PRKN: variants seen among roughly 807,000 people sequenced by gnomAD.
The protein encoded by PRKN is parkin RBR E3 ubiquitin protein ligase, also known as E3 ubiquitin-protein ligase parkin.
A neutral mutation model predicts 59.5 loss-of-function variants in PRKN; 56 were observed. The ratio of observed to expected loss-of-function variants is 0.94; its 90% confidence interval spans 0.76 to 1.18. The LOEUF is 1.18. Ranked by LOEUF, PRKN falls within the 50% of genes most tolerant of loss-of-function variation. The pLI, the probability that PRKN is intolerant of heterozygous loss-of-function variation, is 0.00. For synonymous variants in PRKN, 250 were observed against 222.1 expected (o/e 1.13, Z -1.12); for missense variants, 657 against 596.4 (o/e 1.10, Z -1.06).
intron 1 of PRKN, among the ~76,000 whole-genome samples, chr6:162,545,011 G>C (rs1440244262): frequency 6.6e-6 from 1 of 150,414 alleles, no homozygotes; most frequent in African/African-American, 2.4e-5. Context: ...TGTCAGCTGG[G>C]CATGGTGGCT....
intron 5 of PRKN, among the ~76,000 whole-genome samples, chr6:161,984,398 C>T (rs552172552): frequency 2.0e-4 from 30 of 152,260 alleles, no homozygotes; most frequent in African/African-American, 4.8e-4. Context: ...GCTGGGATTA[C>T]AGGCGTGTGC....
At chr6:161,724,491 A>G (rs2128186322) in intron 7 of PRKN, among the ~76,000 whole-genome samples, 2 of 152,316 alleles carry the variant, frequency 1.3e-5, no homozygotes, top group Middle Eastern at 6.8e-3. Context: ...CTGAAAAATT[A>G]TACTCTCAGT....
chr6:162,293,102 C>G (rs898228605), intron 2 of PRKN, among the ~76,000 whole-genome samples: 3 of 152,162 alleles, frequency 2.0e-5, no homozygotes, highest in Admixed American at 2.0e-4. Flanking sequence ...AAGATATTAA[C>G]AAGCTTCAAC....
chr6:161,852,600 C>G (rs922587727), intron 6 of PRKN, among the ~76,000 whole-genome samples: 2 of 152,086 alleles, frequency 1.3e-5, no homozygotes, highest in African/African-American at 4.8e-5. Context: ...TAAGAATTTG[C>G]AACAAGACCA....
chr6:161,656,538 C>T (rs1269321208), intron 7 of PRKN, among the ~76,000 whole-genome samples: 1 of 152,164 alleles, frequency 6.6e-6, no homozygotes, highest in Non-Finnish European at 1.5e-5. Context: ...CTTCCAGGGA[C>T]TCTGAGATGC....
At chr6:162,200,008 A>G (rs146516193) in intron 4 of PRKN, among the ~76,000 whole-genome samples, 153 of 152,236 alleles carry the variant, frequency 1.0e-3, no homozygotes, top group African/African-American at 3.5e-3. Context: ...TGTCCTCAGC[A>G]TGAACTGTCC....
chr6:161,958,008 G>GTAAT (rs1436950809), intron 6 of PRKN, among the ~76,000 whole-genome samples: 2 of 152,156 alleles, frequency 1.3e-5, no homozygotes, highest in African/African-American at 4.8e-5. Flanking sequence ...TTAAATAAAT[G>GTAAT]TAATACCCTT....
At chr6:161,531,925 T>A (rs1301564804) in intron 9 of PRKN, among the ~76,000 whole-genome samples, 4 of 152,056 alleles carry the variant, frequency 2.6e-5, no homozygotes, top group African/African-American at 9.7e-5. Context: ...TAGGGATACA[T>A]AGAAAAAGTC....
intron 10 of PRKN, among the ~76,000 whole-genome samples, chr6:161,380,285 C>T (rs1764368271): frequency 6.6e-6 from 1 of 152,158 alleles, no homozygotes; most frequent in African/African-American, 2.4e-5. Flanking sequence ...CCAGGTCCCA[C>T]TTTTATGCTT....
intron 7 of PRKN, among the ~76,000 whole-genome samples, chr6:161,782,339 T>C (rs1201974689): frequency 6.6e-6 from 1 of 152,186 alleles, no homozygotes; most frequent in African/African-American, 2.4e-5. Flanking sequence ...ACTTTCTACT[T>C]AAGAAGGTGA....
At chr6:161,712,033 T>A (rs1786770392) in intron 7 of PRKN, among the ~76,000 whole-genome samples, 2 of 152,116 alleles carry the variant, frequency 1.3e-5, no homozygotes, top group Admixed American at 1.3e-4. Context: ...ATCATGTGAG[T>A]CAATTATCTT....
rs564313535 is a variant in PRKN, at chr6:162,709,325, T to C, written c.7+18337A>G. ...AAACCGATCCCTGGTGCCAAAAAGGTTGGAGACTACTGTCTTACTGGGTAT... is the reference window on the plus strand; with the variant it reads ...AAACCGATCCCTGGTGCCAAAAAGGCTGGAGACTACTGTCTTACTGGGTAT... On this transcript the variant is annotated intron_variant, in intron 1 of 11. Transcript: ENST00000366898. 1.4e-4 allele frequency among the ~76,000 whole-genome samples: 22 copies of C among 151,968 alleles called. No individual in the cohort carries two copies. The South Asian group carries it at 1.9e-3, about 13-fold the overall frequency.
Position 162,537,327 on chromosome 6 carries a change from G to T in PRKN, c.8-93854C>A, listed in dbSNP as rs981710637. On this transcript the variant is annotated intron_variant, in intron 1 of 11. Transcript: ENST00000366898. ...TGCCATCTCACTAGCACCTCACTCC[G>T]TAGCCTAAAGCTTCCAACAAGTATC... 5.3e-5 allele frequency among the ~76,000 whole-genome samples: 8 copies of T among 152,068 alleles called. 1 individual carries two copies. The South Asian group carries it at 1.7e-3, about 31-fold the overall frequency.
intron 6 of PRKN, among the ~76,000 whole-genome samples, chr6:161,829,736 G>A (rs1314302988): frequency 6.6e-6 from 1 of 151,566 alleles, no homozygotes; most frequent in East Asian, 2.0e-4. Flanking sequence ...CTGCAGCCCA[G>A]CTCCTCCACT....
chr6:161,361,954 G>A lies in PRKN; in HGVS notation c.1168-1749C>T, dbSNP rs887534251. ...GGGTGGTCCTAACCGTCAGTGACAC[G>A]TGGCAAACACCCATCCCCCCACCGA... On this transcript the variant is annotated intron_variant, in intron 10 of 11. Transcript: ENST00000366898. This position sits in a 1 kb window ranked among gnomAD's most constrained non-coding sequence, Gnocchi z 5.2. Among the ~76,000 whole-genome samples the A allele has an allele frequency of 2.6e-5, 4 of 151,942 alleles. No homozygotes were observed. Among genetic ancestry groups the A allele is most frequent in the Admixed American group, 1.3e-4 (2 of 15,258 alleles).
At chr6:161,506,078 T>C (rs1408035802) in intron 9 of PRKN, among the ~76,000 whole-genome samples, 1 of 151,080 alleles carries the variant, frequency 6.6e-6, no homozygotes, top group Non-Finnish European at 1.5e-5. Flanking sequence ...CATTGGTAGC[T>C]TGATGGGGAT....
chr6:161,698,265 T>C (rs1416448081), intron 7 of PRKN, among the ~76,000 whole-genome samples: 1 of 152,066 alleles, frequency 6.6e-6, no homozygotes, highest in Non-Finnish European at 1.5e-5. Flanking sequence ...TATAGTAGGA[T>C]AATGGGCCTT....
At chr6:162,386,271 G>A (rs1786803277) in intron 2 of PRKN, among the ~76,000 whole-genome samples, 1 of 152,164 alleles carries the variant, frequency 6.6e-6, no homozygotes, top group Non-Finnish European at 1.5e-5. Context: ...ATTTAACCGT[G>A]CCACAGTGTC....
chr6:162,452,981 T>C (rs1271570341), intron 1 of PRKN, among the ~76,000 whole-genome samples: 1 of 152,146 alleles, frequency 6.6e-6, no homozygotes, highest in Non-Finnish European at 1.5e-5. Context: ...GCAAAACTAT[T>C]TTGAAAAAAC....
Sources: allele counts gnomAD v4.1 joint callset (sites outside exome capture counted in the v4.1 genomes callset), GRCh38; gene constraint gnomAD v4.1.1; non-coding constraint Gnocchi (gnomAD v3.1); transcripts MANE v1.5; gene names NCBI Gene and HGNC (gene_info 2026-07-23, HGNC 2026-07-21).